SOX5: variants seen among roughly 807,000 people sequenced by gnomAD.
SOX5 encodes the protein transcription factor SOX-5.
A neutral mutation model predicts 92.0 loss-of-function variants in SOX5; 9 were observed. That is an observed-to-expected ratio of 0.10 (90% CI 0.06 to 0.17). SOX5 has a LOEUF of 0.17. Among genes scored for constraint, SOX5 ranks in the 10% least tolerant of loss-of-function variants. The pLI is 1.00. For synonymous variants in SOX5, 344 were observed against 336.3 expected, an observed-to-expected ratio of 1.02 and a Z score of -0.25; for missense variants, 642 against 944.5, an observed-to-expected ratio of 0.68 and a Z score of 4.20.
intron 4 of SOX5, among the ~76,000 whole-genome samples, chr12:23,994,878 C>T (rs1950891052): frequency 6.6e-6 from 1 of 152,056 alleles, no homozygotes; most frequent in South Asian, 2.1e-4. Flanking sequence ...TACTGTATTC[C>T]TCTCTGTAGA....
intron 3 of SOX5, among the ~76,000 whole-genome samples, chr12:24,219,557 C>T (rs1273712875): frequency 6.6e-6 from 1 of 152,050 alleles, no homozygotes; most frequent in Non-Finnish European, 1.5e-5. Context: ...TAATGAAATA[C>T]TCAAGAGGCT....
chr12:23,613,579 T>C (rs1351203458), intron 8 of SOX5, among the ~76,000 whole-genome samples: 2 of 152,170 alleles, frequency 1.3e-5, no homozygotes, highest in East Asian at 3.8e-4. Flanking sequence ...ACAGCAGAAT[T>C]ATTCACAACA....
At chr12:23,743,525 C>A (rs947721480) in intron 4 of SOX5, among the ~76,000 whole-genome samples, 4 of 151,772 alleles carry the variant, frequency 2.6e-5, no homozygotes, top group Admixed American at 2.0e-4. Flanking sequence ...CTGGCCAGGC[C>A]GGTCTCGAAC....
intron 4 of SOX5, among the ~76,000 whole-genome samples, chr12:24,100,205 C>G (rs1465711253): frequency 6.6e-6 from 1 of 152,038 alleles, no homozygotes; most frequent in East Asian, 1.9e-4. Context: ...ACAACACTTC[C>G]TTTGATCTCC....
rs1182830445 is a variant in SOX5 at position 23,949,555 on chromosome 12, T to C, written c.38+9A>G. On this transcript the variant is annotated intron_variant, in intron 1 of 14. Transcript: ENST00000451604. Reference sequence around the variant, plus strand: ...CTTCAATATATTAGGGGGAAAAAACTGTACTCACCTTTCAAACTCCTGAGG... The same window carrying C: ...CTTCAATATATTAGGGGGAAAAAACCGTACTCACCTTTCAAACTCCTGAGG... The C allele has an allele frequency of 3.1e-6, 5 of 1,613,596 alleles. No individual in the cohort carries two copies. In the South Asian group the frequency reaches 3.3e-5, roughly 11 times the overall value.
rs1217923952 is a variant in SOX5 at position 24,171,233 on chromosome 12, T to G, written c.-2+42110A>C. 1.9e-4 allele frequency among the ~76,000 whole-genome samples: 25 copies of G among 128,490 alleles called. 3 individuals are homozygous for G. Among genetic ancestry groups the G allele is most frequent in the African/African-American group, 6.0e-4 (20 of 33,440 alleles). 84.3% of individuals were successfully genotyped at this position (128,490 alleles called of 152,430 possible). On this transcript the variant is annotated intron_variant, in intron 4 of 4. Transcript: ENST00000446891. ...GTTTTTTTTGTTTGTTTGTTTGTTTTTTTTTTTGGAGACAGAGTCTCGCTC... is the reference window on the plus strand; with the variant it reads ...GTTTTTTTTGTTTGTTTGTTTGTTTGTTTTTTTGGAGACAGAGTCTCGCTC...
chr12:24,343,688 A>G (rs1397091319), intron 2 of SOX5, among the ~76,000 whole-genome samples: 1 of 152,074 alleles, frequency 6.6e-6, no homozygotes, highest in Non-Finnish European at 1.5e-5. Flanking sequence ...ATAGCACATA[A>G]TTATTTACTA....
chr12:24,560,851 A>T (rs902528412), intron 1 of SOX5, among the ~76,000 whole-genome samples: 1 of 152,200 alleles, frequency 6.6e-6, no homozygotes, highest in Admixed American at 6.5e-5. Context: ...TCTGATGGAA[A>T]TGTCCATTGC....
At chr12:23,952,002 C>T (rs1945716706), upstream of SOX5, among the ~76,000 whole-genome samples, 1 of 152,034 alleles carries the variant, frequency 6.6e-6, no homozygotes, top group Non-Finnish European at 1.5e-5. Flanking sequence ...ATAATGTATA[C>T]AAAAATTATA....
intron 4 of SOX5, among the ~76,000 whole-genome samples, chr12:23,976,691 A>G (rs1470107887): frequency 2.0e-5 from 3 of 152,220 alleles, no homozygotes; most frequent in Non-Finnish European, 2.9e-5. Context: ...AAGCAACGTC[A>G]TTATACTACA....
intron 1 of SOX5, among the ~76,000 whole-genome samples, chr12:23,918,925 G>GAAAAAAAAAAA: frequency 7.9e-6 from 1 of 126,644 alleles, no homozygotes; most frequent in Non-Finnish European, 1.8e-5. Flanking sequence ...TCAAAAAAAA[G>GAAAAAAAAAAA]AAAAAAAAAG....
At chr12:24,266,062 G>C (rs1372188851) in intron 3 of SOX5, among the ~76,000 whole-genome samples, 4 of 150,340 alleles carry the variant, frequency 2.7e-5, no homozygotes, top group African/African-American at 9.9e-5. Context: ...GTGTGTGTGT[G>C]TGTGTGTGTG....
intron 2 of SOX5, among the ~76,000 whole-genome samples, chr12:23,886,246 A>T (rs1489433098): frequency 8.5e-5 from 13 of 152,204 alleles, no homozygotes; most frequent in Non-Finnish European, 1.5e-5. Flanking sequence ...TGATTGTCAA[A>T]ATATGTGAAA....
chr12:24,155,091 G>A (rs148110486), intron 4 of SOX5, among the ~76,000 whole-genome samples: 29 of 152,104 alleles, frequency 1.9e-4, no homozygotes, highest in African/African-American at 6.5e-4. Context: ...ATCATCGTAC[G>A]CTAAGCACAG....
chr12:24,415,097 C>G (rs1235574356), intron 1 of SOX5, among the ~76,000 whole-genome samples: 2 of 152,012 alleles, frequency 1.3e-5, no homozygotes, highest in Non-Finnish European at 2.9e-5. Context: ...TGTGTAAATC[C>G]CCCCCTGCTA....
At chr12:24,554,273 G>C (rs1233233625) in intron 1 of SOX5, among the ~76,000 whole-genome samples, 1 of 152,172 alleles carries the variant, frequency 6.6e-6, no homozygotes, top group African/African-American at 2.4e-5. Context: ...AGCAACTATG[G>C]AAGGTATAAA....
intron 1 of SOX5, among the ~76,000 whole-genome samples, chr12:23,945,053 G>A (rs1257238550): frequency 2.0e-5 from 3 of 152,104 alleles, no homozygotes; most frequent in Admixed American, 2.0e-4. Flanking sequence ...ATGCACATCT[G>A]CATTACACAA....
At chr12:23,709,296 G>C (rs1022798024) in intron 6 of SOX5, among the ~76,000 whole-genome samples, 1 of 151,938 alleles carries the variant, frequency 6.6e-6, no homozygotes, top group Non-Finnish European at 1.5e-5. Flanking sequence ...TGGAGATGGG[G>C]ATCTCCCTGT....
At chr12:23,907,737 G>T (rs2097308580) in intron 1 of SOX5, among the ~76,000 whole-genome samples, 1 of 129,318 alleles carries the variant, frequency 7.7e-6, no homozygotes, top group African/African-American at 2.8e-5. Flanking sequence ...GTCAGGTGAG[G>T]TGCATAAGCA....
Sources: gnomAD v4.1 joint callset for allele counts (sites outside exome capture counted in the v4.1 genomes callset) on GRCh38, gnomAD v4.1.1 for gene constraint, MANE v1.5 for transcripts, NCBI Gene and HGNC (gene_info 2026-07-23, HGNC 2026-07-21) for gene names.